The following CCDC148 variants were observed in gnomAD, a reference collection of about 807,000 sequenced individuals.
The protein encoded by CCDC148 is coiled-coil domain-containing protein 148.
Under a neutral mutation model 85.7 loss-of-function variants are expected in CCDC148, and 89 were observed. The observed-to-expected ratio is 1.04, with a 90% CI of 0.87 to 1.24. The LOEUF (loss-of-function observed/expected upper bound fraction) is 1.24. Ranked by LOEUF, CCDC148 falls within the 50% of genes most tolerant of loss-of-function variation. The pLI is 0.00. For synonymous variants in CCDC148, 230 were observed against 213.9 expected, an observed-to-expected ratio of 1.08 and a Z score of -0.66; for missense variants, 692 against 671.7, an observed-to-expected ratio of 1.03 and a Z score of -0.33.
At chr2:158,257,765 A>G (rs1283532004) in intron 9 of CCDC148, among the ~76,000 whole-genome samples, 1 of 151,874 alleles carries the variant, frequency 6.6e-6, no homozygotes, top group Non-Finnish European at 1.5e-5. Context: ...TTTACTTTTC[A>G]AATAAAATCT....
intron 1 of CCDC148, among the ~76,000 whole-genome samples, chr2:158,375,458 C>G (rs528563745): frequency 1.3e-5 from 2 of 152,128 alleles, no homozygotes; most frequent in Admixed American, 1.3e-4. Context: ...ACCATGAAAG[C>G]GAAGGCCACA....
At chr2:158,292,749 T>C (rs1019624461) in intron 9 of CCDC148, among the ~76,000 whole-genome samples, 2 of 152,170 alleles carry the variant, frequency 1.3e-5, no homozygotes, top group African/African-American at 4.8e-5. Context: ...TCTATAGGGA[T>C]TGCCTGAAAT....
chr2:158,287,612 G>A (rs540293915), intron 9 of CCDC148, among the ~76,000 whole-genome samples: 43 of 152,276 alleles, frequency 2.8e-4, no homozygotes, highest in African/African-American at 9.4e-4. Flanking sequence ...CTCAAATCCC[G>A]GTCACACTGA....
chr2:158,231,328 C>T (rs545456237), intron 10 of CCDC148, among the ~76,000 whole-genome samples: 4 of 152,276 alleles, frequency 2.6e-5, no homozygotes, highest in Non-Finnish European at 2.9e-5. Flanking sequence ...ACAAATGCCA[C>T]CTCCTCAAAT....
intron 9 of CCDC148, among the ~76,000 whole-genome samples, chr2:158,308,959 T>C (rs1394256741): frequency 6.6e-6 from 1 of 152,172 alleles, no homozygotes; most frequent in Admixed American, 6.5e-5. Flanking sequence ...ACCCCATCCA[T>C]TCCCCAACAC....
chr2:158,209,420 C>G (rs532553913), intron 11 of CCDC148, among the ~76,000 whole-genome samples: 1 of 152,246 alleles, frequency 6.6e-6, no homozygotes, highest in African/African-American at 2.4e-5. Context: ...ATAAAGACAT[C>G]AATACATCAA....
intron 9 of CCDC148, among the ~76,000 whole-genome samples, chr2:158,257,566 T>A (rs911710332): frequency 2.0e-5 from 3 of 151,904 alleles, no homozygotes; most frequent in African/African-American, 7.2e-5. Context: ...TTGGCATTTC[T>A]GCTTAGCAGA....
intron 10 of CCDC148, among the ~76,000 whole-genome samples, chr2:158,244,483 T>C (rs1252704799): frequency 6.6e-6 from 1 of 152,178 alleles, no homozygotes; most frequent in African/African-American, 2.4e-5. Flanking sequence ...CAGTTCTTTA[T>C]GGCTATGGGC....
At chr2:158,314,045 C>T (rs3821289) in intron 7 of CCDC148, 151 bp from the exon 8 acceptor site, 89,295 of 637,136 alleles carry the variant, frequency 0.14, 6,576 homozygotes, top group Middle Eastern at 0.2. Context: ...ATGTCTGTTT[C>T]AGAAAAGCTT....
chr2:158,192,952 C>T (rs1574372322), intron 11 of CCDC148, among the ~76,000 whole-genome samples: 1 of 151,902 alleles, frequency 6.6e-6, no homozygotes, highest in Non-Finnish European at 1.5e-5. Context: ...TCAACCCTGT[C>T]AATATATGAA....
chr2:158,259,505 G>C lies in CCDC148; in HGVS notation c.1111-8593C>G, dbSNP rs538628609. 1.4e-4 allele frequency among the ~76,000 whole-genome samples: 22 copies of C among 152,022 alleles called. No individual in the cohort carries two copies. In the South Asian group the frequency reaches 4.3e-3, roughly 30 times the overall value. On this transcript the variant is annotated intron_variant, in intron 9 of 13. Coordinates refer to ENST00000283233, the MANE Select transcript of CCDC148 (RefSeq NM_138803.4). ...CAAATGCTATTTATGTACCTGGATTGCTGCAGTTGCATTCTAGCTGACATT... is the reference window on the plus strand; with the variant it reads ...CAAATGCTATTTATGTACCTGGATTCCTGCAGTTGCATTCTAGCTGACATT...
At position 158,220,642 on chromosome 2, in the gene CCDC148, T is replaced by A; in HGVS notation, c.1323A>T (p.Glu441Asp). ...GTTCAGCGATTAATTTCTTCAGTTCTTCTAGACGCTGAAGATCTCTCATTT... is the reference window on the plus strand; with the variant it reads ...GTTCAGCGATTAATTTCTTCAGTTCATCTAGACGCTGAAGATCTCTCATTT... ...EMEMRDLQRL[E>D]ELKKLIAEQS... is the part of the protein sequence containing the mutation. The change falls in exon 11 of 14, where the codon GAA becomes GAT. Residue 441 changes from glutamate (E) to aspartate (D), a missense_variant. Physicochemically the swap from Glu to Asp is conservative, Grantham distance 45 (BLOSUM62 2). Coordinates refer to ENST00000283233, the MANE Select transcript of CCDC148 (RefSeq NM_138803.4). 1 of 1,599,310 alleles carries A rather than the reference T, an allele frequency of 6.3e-7. No homozygotes were observed. Among genetic ancestry groups the A allele is most frequent in the Non-Finnish European group, 8.5e-7 (1 of 1,176,796 alleles).
Position 158,340,678 on chromosome 2 carries a change from C to T in CCDC148, c.254G>A (p.Cys85Tyr), listed in dbSNP as rs1278954434. 2.6e-6 allele frequency: 4 copies of T among 1,521,432 alleles called. No individual in the cohort carries two copies. Among genetic ancestry groups the T allele is most frequent in the Admixed American group, 1.8e-5 (1 of 56,146 alleles). The allele number at this position is 1,521,432 out of a possible 1,614,324, so 94.2% of individuals were successfully genotyped here. ...GGATTTTATTTCAGATTCCATTTTA[C>T]ATCTGAAATAGATGTGATCTCAATA... is the stretch of plus-strand genomic sequence containing the variant. ...QEYQRLNEVR[C>Y]KMESEIKSLL... Residue 85 changes from cysteine (C) to tyrosine (Y), a missense_variant and splice_region_variant, in exon 4 of 14, where the codon TGT becomes TAT. Physicochemically the swap from Cys to Tyr is radical, Grantham distance 194. Coordinates refer to ENST00000283233, the MANE Select transcript of CCDC148 (RefSeq NM_138803.4).
rs528197152 is a variant in CCDC148, at chr2:158,409,305, G to A, written c.25+47110C>T. Among the ~76,000 whole-genome samples, 592 of 152,252 alleles carry A rather than the reference G, an allele frequency of 3.9e-3. 7 individuals are homozygous for A. The highest frequency in any genetic ancestry group is 0.027 in the South Asian group (130 of 4,822). Reference sequence around the variant, plus strand: ...CCTGGAAAAGCAACAGACACTAAACGACAGCCCATGAAAGCAGCCAGGAGA... The same window carrying A: ...CCTGGAAAAGCAACAGACACTAAACAACAGCCCATGAAAGCAGCCAGGAGA... On this transcript the variant is annotated intron_variant, in intron 1 of 13. Coordinates refer to ENST00000283233, the MANE Select transcript of CCDC148 (RefSeq NM_138803.4).
intron 1 of CCDC148, among the ~76,000 whole-genome samples, chr2:158,368,254 A>T (rs1029628619): frequency 6.6e-6 from 1 of 152,274 alleles, no homozygotes; most frequent in South Asian, 2.1e-4. Flanking sequence ...AATAATGGGC[A>T]TATGTTCTTT....
chr2:158,201,384 ATACAGAT>A (rs1234405300), intron 11 of CCDC148, among the ~76,000 whole-genome samples: 1 of 151,516 alleles, frequency 6.6e-6, no homozygotes, highest in African/African-American at 2.4e-5. Context: ...CAAATAATGT[ATACAGAT>A]TACTGTTTTC....
At chr2:158,358,326 T>A (rs1381822947) in intron 2 of CCDC148, 123 bp downstream of exon 2, 1 of 1,166,176 alleles carries the variant, frequency 8.6e-7, no homozygotes, top group African/African-American at 1.6e-5. Flanking sequence ...TCACTATTAT[T>A]TCTACTTGGG....
intron 7 of CCDC148, among the ~76,000 whole-genome samples, chr2:158,316,029 T>C (rs531858840): frequency 6.6e-6 from 1 of 152,320 alleles, no homozygotes; most frequent in African/African-American, 2.4e-5. Context: ...ACAAATCTCT[T>C]GTTTAGGAAT....
chr2:158,369,273 A>G (rs1684334339), intron 1 of CCDC148, among the ~76,000 whole-genome samples: 1 of 152,072 alleles, frequency 6.6e-6, no homozygotes, highest in South Asian at 2.1e-4. Flanking sequence ...CAGTATGGCC[A>G]TTTTCATGAT....
Sources: gnomAD v4.1 joint callset for allele counts (sites outside exome capture counted in the v4.1 genomes callset) on GRCh38, gnomAD v4.1.1 for gene constraint, MANE v1.5 for transcripts, NCBI Gene and HGNC (gene_info 2026-07-23, HGNC 2026-07-21) for gene names.